CEP57L1: variants seen among roughly 807,000 people sequenced by gnomAD.
The protein encoded by CEP57L1 is centrosomal protein CEP57L1.
In CEP57L1, 37 loss-of-function variants were observed where a neutral mutation model predicts 61.0. That is an observed-to-expected ratio of 0.61 (90% CI 0.47 to 0.80). The LOEUF (loss-of-function observed/expected upper bound fraction) is 0.80. Ranked by LOEUF, CEP57L1 falls within the 30% of genes least tolerant of loss-of-function variation. The pLI is 0.00. For missense variants in CEP57L1, 422 were observed against 524.7 expected (o/e 0.80, Z 1.91); for synonymous variants, 137 against 162.3 (o/e 0.84, Z 1.19).
At chr6:109,113,134 G>A (rs1466431111) in intron 1 of CEP57L1, among the ~76,000 whole-genome samples, 1 of 152,158 alleles carries the variant, frequency 6.6e-6, no homozygotes, top group African/African-American at 2.4e-5. Context: ...CTGTTATTGT[G>A]TGGGAGTCTA....
chr6:109,112,388 A>C (rs1442311640), intron 1 of CEP57L1, among the ~76,000 whole-genome samples: 1 of 151,754 alleles, frequency 6.6e-6, no homozygotes, highest in Non-Finnish European at 1.5e-5. Flanking sequence ...ATCATTTTTT[A>C]TTGCGTCTAT....
intron 4 of CEP57L1, among the ~76,000 whole-genome samples, chr6:109,153,501 C>T (rs377543673): frequency 4.0e-5 from 6 of 151,868 alleles, no homozygotes; most frequent in African/African-American, 1.4e-4. Flanking sequence ...CCACCTCAGC[C>T]TCCCAAAGTG....
At chr6:109,144,428 T>G (rs1489956920) in intron 1 of CEP57L1, among the ~76,000 whole-genome samples, 2 of 152,172 alleles carry the variant, frequency 1.3e-5, no homozygotes, top group East Asian at 1.9e-4. Context: ...TATCACCTTA[T>G]GTGATTATGA....
In CEP57L1 at chr6:109,159,359, T is replaced by C. The variant is rs61743581; in HGVS notation, c.913T>C (p.Trp305Arg). ...CLPKPSRTTS[W>R]CKAIPPDSEK... is the part of the protein sequence containing the mutation. ...CCCCAAGCCTTCTAGAACAACTTCC[T>C]GGTGTAAAGCTATTCCTCCTGACTC... The change falls in exon 9 of 11, where the codon TGG (tryptophan) becomes CGG (arginine). Residue 305 changes from tryptophan (W) to arginine (R), a missense_variant. Physicochemically the swap from Trp to Arg is moderately radical, Grantham distance 101. Transcript: ENST00000517392. The C allele has an allele frequency of 0.11, 177,290 of 1,613,918 alleles. 10,415 individuals carry two copies. Among genetic ancestry groups the C allele is most frequent in the Middle Eastern group, 0.19 (1,123 of 6,060 alleles).
rs557765918 is a variant in CEP57L1 at position 109,120,730 on chromosome 6, G to C, written c.-3-24489G>C. On this transcript the variant is annotated intron_variant, in intron 1 of 10. Transcript: ENST00000517392. ...CTAAGTAGGTTGACTTTCATATTCA[G>C]TGGATTTTACACAGTTCCACATAGA... 2.6e-5 allele frequency among the ~76,000 whole-genome samples: 4 copies of C among 152,216 alleles called. No individual in the cohort carries two copies. In the East Asian group the frequency reaches 7.7e-4, roughly 29 times the overall value.
chr6:109,137,852 G>A (rs1189226248), intron 1 of CEP57L1, among the ~76,000 whole-genome samples: 2 of 152,170 alleles, frequency 1.3e-5, no homozygotes, highest in Non-Finnish European at 2.9e-5. Context: ...TGGAGAAAAT[G>A]CAGAGAAATG....
intron 1 of CEP57L1, among the ~76,000 whole-genome samples, chr6:109,137,449 G>A (rs1265940201): frequency 6.6e-6 from 1 of 151,946 alleles, no homozygotes; most frequent in Non-Finnish European, 1.5e-5. Flanking sequence ...CTACAGGTGT[G>A]TGCCACCACA....
intron 1 of CEP57L1, among the ~76,000 whole-genome samples, chr6:109,101,585 T>G (rs1169650900): frequency 6.6e-6 from 1 of 152,136 alleles, no homozygotes; most frequent in Non-Finnish European, 1.5e-5. Context: ...ATGTTTAGCT[T>G]TGTAAGAAAC....
chr6:109,129,106 A>C (rs1773900462), intron 1 of CEP57L1, among the ~76,000 whole-genome samples: 1 of 152,184 alleles, frequency 6.6e-6, no homozygotes, highest in Admixed American at 6.5e-5. Flanking sequence ...AGGCTGAGGC[A>C]GCAGAATCGC....
intron 1 of CEP57L1, among the ~76,000 whole-genome samples, chr6:109,137,225 T>C (rs181235762): frequency 6.6e-6 from 1 of 152,310 alleles, no homozygotes; most frequent in East Asian, 1.9e-4. Context: ...TTTTGTTTTA[T>C]TTACTAAGTT....
chr6:109,135,026 C>G (rs1774677388), intron 1 of CEP57L1, among the ~76,000 whole-genome samples: 1 of 152,084 alleles, frequency 6.6e-6, no homozygotes, highest in Non-Finnish European at 1.5e-5. Flanking sequence ...CCCCATCAAG[C>G]TACCAATGAC....
intron 4 of CEP57L1, among the ~76,000 whole-genome samples, chr6:109,150,788 A>T (rs2114903986): frequency 6.6e-6 from 1 of 152,306 alleles, no homozygotes; most frequent in Admixed American, 6.5e-5. Context: ...CAAGGAACTG[A>T]TAGAGTTAAG....
chr6:109,128,194 A>T (rs1773795861), intron 1 of CEP57L1, among the ~76,000 whole-genome samples: 1 of 152,140 alleles, frequency 6.6e-6, no homozygotes, highest in South Asian at 2.1e-4. Context: ...TGTGTCTGTA[A>T]GCACCTCATA....
At chr6:109,115,370 G>A (rs1772150289) in intron 1 of CEP57L1, among the ~76,000 whole-genome samples, 1 of 151,952 alleles carries the variant, frequency 6.6e-6, no homozygotes, top group Non-Finnish European at 1.5e-5. Flanking sequence ...AATTCTAGTA[G>A]TTGTAATGTT....
intron 4 of CEP57L1, among the ~76,000 whole-genome samples, chr6:109,151,425 A>G (rs181578413): frequency 1.8e-4 from 27 of 152,188 alleles, no homozygotes; most frequent in African/African-American, 6.0e-4. Context: ...ATAAATCTGT[A>G]TTAAAATATT....
At chr6:109,155,562 T>C (rs1773133808) in intron 6 of CEP57L1, among the ~76,000 whole-genome samples, 2 of 151,934 alleles carry the variant, frequency 1.3e-5, no homozygotes, top group East Asian at 3.8e-4. Context: ...TTGTTTTCAG[T>C]TTGATTTCTG....
chr6:109,135,480 A>T (rs948667611), intron 1 of CEP57L1, among the ~76,000 whole-genome samples: 2 of 152,200 alleles, frequency 1.3e-5, no homozygotes, highest in African/African-American at 2.4e-5. Context: ...AACCTAGGCA[A>T]TACCATTCAG....
At chr6:109,112,427 C>T (rs765035236) in intron 1 of CEP57L1, among the ~76,000 whole-genome samples, 4 of 148,714 alleles carry the variant, frequency 2.7e-5, no homozygotes, top group African/African-American at 7.3e-5. Context: ...CTCCTTTATT[C>T]GTGTATCTAT....
chr6:109,109,845 C>T (rs894984478), intron 1 of CEP57L1, among the ~76,000 whole-genome samples: 1 of 152,174 alleles, frequency 6.6e-6, no homozygotes, highest in African/African-American at 2.4e-5. Context: ...CAGCATCATC[C>T]ATGTCCCTGT....
Sources: allele counts gnomAD v4.1 joint callset (sites outside exome capture counted in the v4.1 genomes callset), GRCh38; gene constraint gnomAD v4.1.1; transcripts MANE v1.5; gene names NCBI Gene and HGNC (gene_info 2026-07-23, HGNC 2026-07-21).